Variants in ST6GALNAC3 observed in about 807,000 individuals in gnomAD.
ST6GALNAC3 encodes the protein alpha-N-acetylgalactosaminide alpha-2,6-sialyltransferase 3.
Under a neutral mutation model 32.7 loss-of-function variants are expected in ST6GALNAC3, and 25 were observed. The ratio of observed to expected loss-of-function variants is 0.76; its 90% confidence interval spans 0.56 to 1.07. The LOEUF (loss-of-function observed/expected upper bound fraction) is 1.07, where lower values mean the gene tolerates loss of function less well. Ranked by LOEUF, ST6GALNAC3 falls within the 50% of genes least tolerant of loss-of-function variation. The probability of loss-of-function intolerance (pLI) is 0.00; values close to 1 mark genes in which losing one functional copy is unlikely to be tolerated. For synonymous variants in ST6GALNAC3, 129 were observed against 133.1 expected (o/e 0.97, Z 0.21); for missense variants, 355 against 382.4 (o/e 0.93, Z 0.60).
chr1:76,422,168 A>G (rs1170283695), intron 3 of ST6GALNAC3, among the ~76,000 whole-genome samples: 1 of 152,034 alleles, frequency 6.6e-6, no homozygotes, highest in Admixed American at 6.6e-5. Flanking sequence ...AGAAGAATAT[A>G]TGTTGTGTAG....
intron 1 of ST6GALNAC3, among the ~76,000 whole-genome samples, chr1:76,270,446 G>A (rs1658774432): frequency 7.1e-6 from 1 of 141,398 alleles, no homozygotes; most frequent in East Asian, 2.2e-4. Flanking sequence ...GGCGGAGGTT[G>A]CAGTGAGCCG....
chr1:76,191,133 G>A (rs139194238), intron 1 of ST6GALNAC3, among the ~76,000 whole-genome samples: 184 of 152,256 alleles, frequency 1.2e-3, no homozygotes, highest in African/African-American at 4.2e-3. Context: ...AGTGGTTGTG[G>A]AGAAGGTCCT....
At chr1:76,180,989 T>C (rs1007338856) in intron 1 of ST6GALNAC3, among the ~76,000 whole-genome samples, 1 of 152,236 alleles carries the variant, frequency 6.6e-6, no homozygotes, top group Non-Finnish European at 1.5e-5. Flanking sequence ...AAGCCATGCG[T>C]GGATGGCAAG....
intron 3 of ST6GALNAC3, among the ~76,000 whole-genome samples, chr1:76,567,049 G>A (rs1665596041): frequency 6.6e-6 from 1 of 152,126 alleles, no homozygotes; most frequent in African/African-American, 2.4e-5. Context: ...GGACAGGGAA[G>A]GAGGGAGGAA....
intron 2 of ST6GALNAC3, among the ~76,000 whole-genome samples, chr1:76,325,671 A>C (rs561230066): frequency 2.0e-5 from 3 of 150,068 alleles, no homozygotes; most frequent in Non-Finnish European, 4.5e-5. Context: ...GGAATGGTAG[A>C]CATGCTGAAA....
chr1:76,573,274 T>G (rs1024315238), intron 3 of ST6GALNAC3, among the ~76,000 whole-genome samples: 1 of 152,146 alleles, frequency 6.6e-6, no homozygotes, highest in Non-Finnish European at 1.5e-5. Context: ...TCCAGTCACT[T>G]GCTGAAATGT....
intron 1 of ST6GALNAC3, among the ~76,000 whole-genome samples, chr1:76,075,209 C>T (rs1646797651): frequency 6.6e-6 from 1 of 152,140 alleles, no homozygotes; most frequent in Admixed American, 6.5e-5. Flanking sequence ...TCCCGCGGCT[C>T]TGTGGAGCCT....
chr1:76,270,227 C>T (rs183082573), intron 1 of ST6GALNAC3, among the ~76,000 whole-genome samples: 3 of 152,210 alleles, frequency 2.0e-5, no homozygotes, highest in African/African-American at 7.2e-5. Flanking sequence ...TGGCAACTGG[C>T]CAGGCACGGT....
rs577169158 is a variant in ST6GALNAC3 at position 76,158,942 on chromosome 1, G to C, written c.18+84058G>C. ...AGGGTCACAAAGCTGGCAAGGGACTGAGCCAGGATCCCCACTCAGGCCCTT... is the reference window on the plus strand; with the variant it reads ...AGGGTCACAAAGCTGGCAAGGGACTCAGCCAGGATCCCCACTCAGGCCCTT... On this transcript the variant is annotated intron_variant, in intron 1 of 4. Coordinates refer to ENST00000328299, the MANE Select transcript of ST6GALNAC3 (RefSeq NM_152996.4). Among the ~76,000 whole-genome samples, 9 of 152,276 alleles carry C rather than the reference G, an allele frequency of 5.9e-5. No homozygotes were observed. In the South Asian group the frequency reaches 8.3e-4, roughly 14 times the overall value.
intron 3 of ST6GALNAC3, among the ~76,000 whole-genome samples, chr1:76,517,228 GT>G (rs1210186061): frequency 5.9e-5 from 9 of 151,440 alleles, no homozygotes; most frequent in Admixed American, 5.3e-4. Flanking sequence ...ACAATATATT[GT>G]TTTATATGTT....
chr1:76,506,690 TCAGGTTC>T (rs1337704541), intron 3 of ST6GALNAC3, among the ~76,000 whole-genome samples: 1 of 152,138 alleles, frequency 6.6e-6, no homozygotes, highest in African/African-American at 2.4e-5. Flanking sequence ...AAAGGGCGTT[TCAGGTTC>T]CAGGCAGGTG....
intron 3 of ST6GALNAC3, among the ~76,000 whole-genome samples, chr1:76,504,416 G>A (rs567052347): frequency 3.9e-5 from 6 of 152,152 alleles, no homozygotes; most frequent in African/African-American, 1.2e-4. Flanking sequence ...CATGTAAGAC[G>A]ACATTCTGAG....
chr1:76,128,747 T>C (rs1649415682), intron 1 of ST6GALNAC3, among the ~76,000 whole-genome samples: 1 of 152,154 alleles, frequency 6.6e-6, no homozygotes, highest in Admixed American at 6.5e-5. Context: ...GATAGCACTT[T>C]GTCAGGGCCA....
At chr1:76,484,901 T>C (rs1473515305) in intron 3 of ST6GALNAC3, among the ~76,000 whole-genome samples, 1 of 152,220 alleles carries the variant, frequency 6.6e-6, no homozygotes, top group African/African-American at 2.4e-5. Context: ...ATCCCATCAA[T>C]ACTTAATTTA....
At chr1:76,453,397 T>C (rs1042674762) in intron 3 of ST6GALNAC3, among the ~76,000 whole-genome samples, 14 of 152,188 alleles carry the variant, frequency 9.2e-5, no homozygotes, top group Non-Finnish European at 1.8e-4. Context: ...TTTCAGACTT[T>C]TTGATGTAAG....
intron 1 of ST6GALNAC3, among the ~76,000 whole-genome samples, chr1:76,112,461 G>T (rs1477966205): frequency 6.6e-6 from 1 of 150,436 alleles, no homozygotes; most frequent in Non-Finnish European, 1.5e-5. Flanking sequence ...GGCTGGCCGG[G>T]CGGGGGGCTA....
intron 1 of ST6GALNAC3, among the ~76,000 whole-genome samples, chr1:76,108,861 A>AGTGTGTGT (rs10528375): frequency 3.3e-5 from 5 of 149,770 alleles, no homozygotes; most frequent in African/African-American, 1.2e-4. Context: ...CTGTAGACAT[A>AGTGTGTGT]GTGTGTGTGT....
At chr1:76,106,543 C>T (rs115526641) in intron 1 of ST6GALNAC3, among the ~76,000 whole-genome samples, 1,654 of 152,216 alleles carry the variant, frequency 0.011, 35 homozygotes, top group African/African-American at 0.038. Flanking sequence ...ATTTGATGGC[C>T]CCCAATGCTT....
intron 3 of ST6GALNAC3, among the ~76,000 whole-genome samples, chr1:76,493,838 T>G (rs1660645935): frequency 6.6e-6 from 1 of 152,112 alleles, no homozygotes; most frequent in Admixed American, 6.6e-5. Context: ...TGGAAGCAAC[T>G]TCAGAAATCT....
Sources: gnomAD v4.1 joint callset for allele counts (sites outside exome capture counted in the v4.1 genomes callset) on GRCh38, gnomAD v4.1.1 for gene constraint, MANE v1.5 for transcripts, NCBI Gene and HGNC (gene_info 2026-07-23, HGNC 2026-07-21) for gene names.